Variants in CACNB2 observed in about 807,000 individuals in gnomAD.
The protein encoded by CACNB2 is calcium voltage-gated channel auxiliary subunit beta 2, also known as voltage-dependent L-type calcium channel subunit beta-2.
A neutral mutation model predicts 73.3 loss-of-function variants in CACNB2; 42 were observed. The observed-to-expected ratio is 0.57, with a 90% CI of 0.45 to 0.74. The LOEUF (loss-of-function observed/expected upper bound fraction) is 0.74. CACNB2 is among the 30% of genes least tolerant of loss of function. The pLI is 0.00. For missense variants in CACNB2, 940 were observed against 853.0 expected (o/e 1.10, Z -1.27); for synonymous variants, 348 against 310.3 (o/e 1.12, Z -1.28).
chr10:18,169,854 C>G (rs1440421120), intron 2 of CACNB2, among the ~76,000 whole-genome samples: 1 of 152,178 alleles, frequency 6.6e-6, no homozygotes, highest in Non-Finnish European at 1.5e-5. Context: ...CTCAGGCTGG[C>G]TTTAAAGCAA....
intron 3 of CACNB2, among the ~76,000 whole-genome samples, chr10:18,418,115 G>A (rs1373068052): frequency 2.0e-5 from 3 of 151,848 alleles, no homozygotes; most frequent in South Asian, 2.1e-4. Context: ...TCGCTCTGTC[G>A]CCAGGCTGGA....
chr10:18,315,526 A>AACC (rs527500673), intron 2 of CACNB2, among the ~76,000 whole-genome samples: 1 of 121,824 alleles, frequency 8.2e-6, no homozygotes, highest in Non-Finnish European at 1.8e-5. Context: ...AAAAAAAAAA[A>AACC]AACTTTTTTT....
intron 2 of CACNB2, among the ~76,000 whole-genome samples, chr10:18,358,493 G>T (rs930959609): frequency 7.8e-6 from 1 of 127,628 alleles, no homozygotes; most frequent in Admixed American, 8.2e-5. Flanking sequence ...TTTCTAATGA[G>T]CACGCTCTCT....
chr10:18,243,158 A>G (rs2036730137), intron 2 of CACNB2, among the ~76,000 whole-genome samples: 1 of 152,182 alleles, frequency 6.6e-6, no homozygotes, highest in Non-Finnish European at 1.5e-5. Flanking sequence ...ATCCTGGTAG[A>G]TATTAAAAGA....
At chr10:18,311,216 C>G (rs1162344385) in intron 2 of CACNB2, among the ~76,000 whole-genome samples, 1 of 152,048 alleles carries the variant, frequency 6.6e-6, no homozygotes, top group Admixed American at 6.6e-5. Context: ...TTCCAAATAT[C>G]TGCTTTTACT....
chr10:18,527,710 A>C lies in CACNB2; in HGVS notation c.1054+13A>C. 1 of 1,525,890 alleles carries C rather than the reference A, an allele frequency of 6.6e-7. No homozygotes were observed. Among genetic ancestry groups the C allele is most frequent in the Non-Finnish European group, 9.1e-7 (1 of 1,101,096 alleles). 94.5% of individuals were successfully genotyped at this position (1,525,890 alleles called of 1,614,324 possible). A position where few individuals can be genotyped will look rare whatever the true frequency, so the allele number is the denominator to read the frequency against. On this transcript the variant is annotated intron_variant, in intron 10 of 13. Transcript: ENST00000324631. ...AGGTCAAGCTTAGGTAAGTCTGTGCAATGAGCTTAAGCTTTTTAAACTCTC... is the reference window on the plus strand; with the variant it reads ...AGGTCAAGCTTAGGTAAGTCTGTGCCATGAGCTTAAGCTTTTTAAACTCTC...
chr10:18,280,829 G>A (rs373558184), intron 2 of CACNB2, among the ~76,000 whole-genome samples: 1 of 152,086 alleles, frequency 6.6e-6, no homozygotes, highest in South Asian at 2.1e-4. Flanking sequence ...CACACAAAAG[G>A]TACATCATAA....
chr10:18,482,056 A>G (rs1365323814), intron 3 of CACNB2, among the ~76,000 whole-genome samples: 1 of 151,734 alleles, frequency 6.6e-6, no homozygotes, highest in African/African-American at 2.4e-5. Context: ...TGCCCTACTA[A>G]TTTTTGTGGG....
intron 2 of CACNB2, among the ~76,000 whole-genome samples, chr10:18,303,961 A>G (rs1257459788): frequency 6.6e-6 from 1 of 152,146 alleles, no homozygotes; most frequent in Admixed American, 6.5e-5. Flanking sequence ...ATTTTTTATT[A>G]GTATTGCTTG....
At chr10:18,510,822 G>A (rs965516433) in intron 6 of CACNB2, among the ~76,000 whole-genome samples, 1 of 152,128 alleles carries the variant, frequency 6.6e-6, no homozygotes, top group African/African-American at 2.4e-5. Context: ...TAAAACCTGT[G>A]GGAATTTACC....
At chr10:18,341,825 A>G (rs1340688081) in intron 2 of CACNB2, among the ~76,000 whole-genome samples, 4 of 152,168 alleles carry the variant, frequency 2.6e-5, no homozygotes, top group Non-Finnish European at 2.9e-5. Flanking sequence ...CATTTCTTCT[A>G]TGTTGTATCA....
intron 2 of CACNB2, chr10:18,341,103 C>T: frequency 1.0e-6 from 1 of 993,392 alleles, no homozygotes; most frequent in Non-Finnish European, 1.6e-6. Flanking sequence ...ACTTTCTTAT[C>T]TTGCCAGAAA....
intron 2 of CACNB2, among the ~76,000 whole-genome samples, chr10:18,297,915 G>A (rs1366524563): frequency 2.0e-5 from 3 of 152,144 alleles, no homozygotes; most frequent in South Asian, 4.1e-4. Context: ...TGAGTCTGAC[G>A]ATCATGGAGT....
intron 3 of CACNB2, among the ~76,000 whole-genome samples, chr10:18,409,060 G>T (rs1031068195): frequency 6.6e-6 from 1 of 152,016 alleles, no homozygotes; most frequent in African/African-American, 2.4e-5. Context: ...CACTTTGGGA[G>T]GCCAAGGCAG....
chr10:18,468,721 T>C (rs1705973939), intron 3 of CACNB2, among the ~76,000 whole-genome samples: 1 of 152,040 alleles, frequency 6.6e-6, no homozygotes, highest in Non-Finnish European at 1.5e-5. Flanking sequence ...TGCCTCAGCC[T>C]GTGGAGTAGC....
intron 2 of CACNB2, among the ~76,000 whole-genome samples, chr10:18,292,790 A>G (rs1422934925): frequency 1.3e-5 from 2 of 152,220 alleles, no homozygotes; most frequent in Non-Finnish European, 2.9e-5. Flanking sequence ...TCCTGCTATC[A>G]TGTTAAGTGA....
Position 18,539,393 on chromosome 10 carries a change from G to T in CACNB2, c.1652G>T (p.Arg551Met). ...HRSGTSRGLS[R>M]QETFDSETQE... ...AGTGGGACAAGTCGCGGCCTCTCCA[G>T]GCAAGAGACATTTGACTCGGAAACC... The change falls in exon 14 of 14, where the codon AGG becomes ATG. Residue 551 changes from arginine to methionine, a missense_variant. Physicochemically the swap from Arg to Met is moderately conservative, Grantham distance 91. Coordinates refer to ENST00000324631, the MANE Select transcript of CACNB2 (RefSeq NM_201596.3). 1 of 1,614,038 alleles carries T rather than the reference G, an allele frequency of 6.2e-7. No homozygotes were observed. The highest frequency in any genetic ancestry group is 8.5e-7 in the Non-Finnish European group (1 of 1,180,018).
At chr10:18,377,876 G>A (rs777085075) in intron 2 of CACNB2, among the ~76,000 whole-genome samples, 5 of 152,090 alleles carry the variant, frequency 3.3e-5, no homozygotes, top group Non-Finnish European at 5.9e-5. Flanking sequence ...ATTAACCTTC[G>A]CTCCCTTTAT....
intron 2 of CACNB2, among the ~76,000 whole-genome samples, chr10:18,334,385 G>A (rs573505917): frequency 4.6e-5 from 7 of 152,060 alleles, no homozygotes; most frequent in African/African-American, 9.7e-5. Flanking sequence ...TGAGACCCAC[G>A]GGGGTCTGGT....
Sources: allele counts gnomAD v4.1 joint callset (sites outside exome capture counted in the v4.1 genomes callset), GRCh38; gene constraint gnomAD v4.1.1; transcripts MANE v1.5; gene names NCBI Gene and HGNC (gene_info 2026-07-23, HGNC 2026-07-21).